Variants in TMEM255B observed in about 807,000 individuals in gnomAD.
The protein encoded by TMEM255B is family with sequence similarity 70, member B.
A neutral mutation model predicts 34.5 loss-of-function variants in TMEM255B; 35 were observed. That is an observed-to-expected ratio of 1.01 (90% CI 0.77 to 1.34). The LOEUF (loss-of-function observed/expected upper bound fraction) is 1.34. Ranked by LOEUF, TMEM255B falls within the 40% of genes most tolerant of loss-of-function variation. The probability of loss-of-function intolerance (pLI) is 0.00; values close to 1 mark genes in which losing one functional copy is unlikely to be tolerated. For missense variants in TMEM255B, 432 were observed against 433.2 expected (o/e 1.00, Z 0.02); for synonymous variants, 206 against 201.2 (o/e 1.02, Z -0.20).
intron 3 of TMEM255B, among the ~76,000 whole-genome samples, chr13:113,784,155 C>T (rs1347532825): frequency 2.0e-5 from 3 of 151,940 alleles, no homozygotes; most frequent in Non-Finnish European, 4.4e-5. Context: ...AGGAGACAGC[C>T]GAGCGGGGAG....
At position 113,802,495 on chromosome 13, in the gene TMEM255B, A is replaced by C. The variant is rs548394503; in HGVS notation, c.669+683A>C. On this transcript the variant is annotated intron_variant, in intron 7 of 8. Transcript: ENST00000375353. The stretch of plus-strand genomic sequence containing the variant: ...GGAGCCCCAACCCCCAGAGTATCCA[A>C]ACGGCAGCCCAGGGACGAGGGGCGC... Among the ~76,000 whole-genome samples, 170 of 152,274 alleles carry C rather than the reference A, an allele frequency of 1.1e-3. 1 individual carries two copies. The highest frequency in any genetic ancestry group is 2.1e-4 in the Non-Finnish European group (14 of 68,014).
chr13:113,800,033 T>A, intron 5 of TMEM255B: 1 of 1,220,840 alleles, frequency 8.2e-7, no homozygotes, highest in Non-Finnish European at 1.0e-6. Context: ...CCAGCTTGTC[T>A]GGGACTCTCC....
chr13:113,808,989 G>A (rs911908990), intron 8 of TMEM255B, among the ~76,000 whole-genome samples: 1 of 137,710 alleles, frequency 7.3e-6, no homozygotes, highest in African/African-American at 2.8e-5. Flanking sequence ...GATTACTCTG[G>A]TTCCTGGGGC....
rs1004639997 is a variant in TMEM255B at position 113,806,314 on chromosome 13, GCTGCTGGGGGTCCCTCGCGTTCAGGGC to G, written c.813+1292_813+1318del. ...TCCCTGGGGTCCAGGGGCCTGTGGG[GCTGCTGGGGGTCCCTCGCGTTCAGGGC>G]CTGCTTGGGTCAGCCACCTTCAGCC... On this transcript the variant is annotated intron_variant, in intron 8 of 8. Transcript: ENST00000375353. This position sits in a 1 kb window ranked among gnomAD's most constrained non-coding sequence, Gnocchi z 4.2. Among the ~76,000 whole-genome samples the G allele has an allele frequency of 6.6e-6, 1 of 152,088 alleles. No individual in the cohort carries two copies. The highest frequency in any genetic ancestry group is 1.5e-5 in the Non-Finnish European group (1 of 68,000).
intron 8 of TMEM255B, among the ~76,000 whole-genome samples, chr13:113,809,090 G>A: frequency 8.3e-6 from 1 of 120,808 alleles, no homozygotes; most frequent in Admixed American, 9.5e-5. Flanking sequence ...GTTCCTGGGG[G>A]TTTACTCCAT....
intron 3 of TMEM255B, among the ~76,000 whole-genome samples, chr13:113,792,338 C>G (rs1183091050): frequency 1.3e-5 from 2 of 152,246 alleles, no homozygotes. Context: ...GGCCACACAA[C>G]CTTGGCATTG....
chr13:113,772,562 G>T (rs1164864314), intron 3 of TMEM255B, among the ~76,000 whole-genome samples: 2 of 152,188 alleles, frequency 1.3e-5, no homozygotes, highest in Admixed American at 1.3e-4. Context: ...ATCTGGTTCT[G>T]TGATCCACCT....
intron 3 of TMEM255B, among the ~76,000 whole-genome samples, chr13:113,773,603 T>C (rs932274450): frequency 1.3e-5 from 2 of 152,250 alleles, no homozygotes; most frequent in Admixed American, 1.3e-4. Context: ...GTGATGCCTG[T>C]GCAAGCTCAT....
intron 3 of TMEM255B, among the ~76,000 whole-genome samples, chr13:113,773,348 G>T (rs1357578296): frequency 6.6e-6 from 1 of 152,168 alleles, no homozygotes; most frequent in Non-Finnish European, 1.5e-5. Context: ...GGATTCCTCA[G>T]GATTTTTTAA....
chr13:113,775,755 G>A (rs777574170), intron 3 of TMEM255B, among the ~76,000 whole-genome samples: 7 of 152,194 alleles, frequency 4.6e-5, no homozygotes, highest in South Asian at 2.1e-4. Flanking sequence ...TGGTCCTGCC[G>A]GGCCCACAGC....
chr13:113,767,729 G>C (rs553774411), intron 2 of TMEM255B, among the ~76,000 whole-genome samples: 5 of 152,334 alleles, frequency 3.3e-5, no homozygotes, highest in African/African-American at 9.6e-5. Flanking sequence ...CTTCTGTGGA[G>C]ACTTTCTGCC....
chr13:113,761,542 G>T (rs1423976000), intron 1 of TMEM255B, among the ~76,000 whole-genome samples: 1 of 152,202 alleles, frequency 6.6e-6, no homozygotes, highest in Non-Finnish European at 1.5e-5. Flanking sequence ...GCACTTGATA[G>T]CAGAGAGGTA....
chr13:113,801,900 C>A, intron 7 of TMEM255B, 88 bp downstream of exon 7: 1 of 1,398,688 alleles, frequency 7.1e-7, no homozygotes, highest in South Asian at 1.5e-5. Context: ...GGCCTCCAGC[C>A]CTCACTTTAC....
Position 113,799,473 on chromosome 13 carries a change from C to G in TMEM255B, c.423+54C>G, listed in dbSNP as rs541352760. 68 of 1,564,770 alleles carry G rather than the reference C, an allele frequency of 4.3e-5. No homozygotes were observed. The South Asian group carries it at 4.3e-4, about 10-fold the overall frequency. The stretch of plus-strand genomic sequence containing the variant: ...GTTTTGCTCAGCTAACCCCGCCGAC[C>G]CCACGCGGTTTTCCCTGCACATAGG... On this transcript the variant is annotated intron_variant, in intron 5 of 8. Coordinates refer to ENST00000375353, the MANE Select transcript of TMEM255B (RefSeq NM_182614.4).
intron 3 of TMEM255B, among the ~76,000 whole-genome samples, chr13:113,782,957 T>C (rs555891214): frequency 1.3e-5 from 2 of 152,350 alleles, no homozygotes; most frequent in Admixed American, 1.3e-4. Context: ...TCTTTTTGAA[T>C]TCTTTGTTCC....
At position 113,801,369 on chromosome 13, in the gene TMEM255B, G is replaced by A. The variant is rs535731387; in HGVS notation, c.510-284G>A. Among the ~76,000 whole-genome samples the A allele has an allele frequency of 1.2e-3, 181 of 152,324 alleles. 2 individuals carry two copies. Among genetic ancestry groups the A allele is most frequent in the Non-Finnish European group, 2.2e-4 (15 of 68,024 alleles). ...GCGTGAAGACAGAGATGGCTCAGCCGGGGCCCAGACACCCGTCCTGCCAGG... is the reference window on the plus strand; with the variant it reads ...GCGTGAAGACAGAGATGGCTCAGCCAGGGCCCAGACACCCGTCCTGCCAGG... On this transcript the variant is annotated intron_variant, in intron 6 of 8. Transcript: ENST00000375353.
rs189743106 is a variant in TMEM255B, at chr13:113,764,135, G to A, written c.47-1980G>A. On this transcript the variant is annotated intron_variant, in intron 1 of 8. Transcript: ENST00000375353. Reference sequence around the variant, plus strand: ...GGCCTGGGGTGGGATGGGCCGGGGCGTGGGCGTGGGACACGGGGACACGGG... The same window carrying A: ...GGCCTGGGGTGGGATGGGCCGGGGCATGGGCGTGGGACACGGGGACACGGG... Among the ~76,000 whole-genome samples the A allele has an allele frequency of 4.5e-4, 69 of 152,210 alleles. 1 individual carries two copies. The East Asian group carries it at 5.2e-3, about 12-fold the overall frequency.
At chr13:113,791,822 G>A (rs2050837537) in intron 3 of TMEM255B, among the ~76,000 whole-genome samples, 1 of 152,250 alleles carries the variant, frequency 6.6e-6, no homozygotes, top group Non-Finnish European at 1.5e-5. Flanking sequence ...TTCTTAAGGA[G>A]CGTGTGCAGT....
At position 113,810,829 on chromosome 13, in the gene TMEM255B, C is replaced by T. The variant is rs111733126; in HGVS notation, c.814-907C>T. On this transcript the variant is annotated intron_variant, in intron 8 of 8. Transcript: ENST00000375353. ...CGTGTGTGAGCCGCTGAGTCAGCCA[C>T]GGTGACACTGAACCAGCCACACGCT... Among the ~76,000 whole-genome samples the T allele has an allele frequency of 4.1e-3, 618 of 152,338 alleles. 3 individuals carry two copies. The highest frequency in any genetic ancestry group is 0.014 in the African/African-American group (583 of 41,568).
Sources: allele counts gnomAD v4.1 joint callset (sites outside exome capture counted in the v4.1 genomes callset), GRCh38; gene constraint gnomAD v4.1.1; non-coding constraint Gnocchi (gnomAD v3.1); transcripts MANE v1.5; gene names NCBI Gene and HGNC (gene_info 2026-07-23, HGNC 2026-07-21).